Variants in DPP10 observed in about 807,000 individuals in gnomAD.
DPP10 encodes the protein inactive dipeptidyl peptidase 10.
A neutral mutation model predicts 120.9 loss-of-function variants in DPP10; 33 were observed. The ratio of observed to expected loss-of-function variants is 0.27; its 90% confidence interval spans 0.21 to 0.37. The LOEUF (loss-of-function observed/expected upper bound fraction) is 0.37. Among genes scored for constraint, DPP10 ranks in the 10% least tolerant of loss-of-function variants. The pLI is 1.00. For synonymous variants in DPP10, 337 were observed against 326.1 expected (o/e 1.03, Z -0.36); for missense variants, 816 against 942.8 (o/e 0.87, Z 1.76).
intron 1 of DPP10, among the ~76,000 whole-genome samples, chr2:115,255,322 C>T (rs555786844): frequency 9.9e-5 from 15 of 152,242 alleles, no homozygotes; most frequent in African/African-American, 2.9e-4. Context: ...GGAGACAGAG[C>T]GCCGAGACCC....
At chr2:114,697,176 C>T (rs935130638) in intron 1 of DPP10, among the ~76,000 whole-genome samples, 9 of 152,026 alleles carry the variant, frequency 5.9e-5, no homozygotes, top group Admixed American at 5.2e-4. Flanking sequence ...ATCTGGGTTA[C>T]AACCACTTTG....
At chr2:115,471,331 C>A (rs889195588) in intron 3 of DPP10, among the ~76,000 whole-genome samples, 1 of 152,138 alleles carries the variant, frequency 6.6e-6, no homozygotes, top group African/African-American at 2.4e-5. Flanking sequence ...ACATACATGA[C>A]TACTTATTGC....
intron 1 of DPP10, among the ~76,000 whole-genome samples, chr2:115,181,866 G>A (rs756933706): frequency 6.6e-5 from 10 of 152,122 alleles, no homozygotes; most frequent in Non-Finnish European, 1.2e-4. Context: ...ATTTAAGAAC[G>A]TTTGAATGTT....
chr2:115,711,222 A>G (rs1399977502), intron 7 of DPP10, among the ~76,000 whole-genome samples: 3 of 152,100 alleles, frequency 2.0e-5, no homozygotes, highest in Non-Finnish European at 4.4e-5. Context: ...TTCAGGTTTG[A>G]AAGTTATATA....
chr2:115,243,611 T>G (rs1360424616), intron 1 of DPP10, among the ~76,000 whole-genome samples: 1 of 152,138 alleles, frequency 6.6e-6, no homozygotes, highest in Non-Finnish European at 1.5e-5. Flanking sequence ...ATCTTTGACT[T>G]ACTTAATGGT....
intron 1 of DPP10, among the ~76,000 whole-genome samples, chr2:115,188,546 A>G (rs1410992732): frequency 1.3e-5 from 2 of 152,234 alleles, no homozygotes; most frequent in East Asian, 3.8e-4. Flanking sequence ...AGACCAGGTC[A>G]TAAAATACAA....
chr2:114,981,723 A>G (rs1700101971), intron 1 of DPP10, among the ~76,000 whole-genome samples: 1 of 151,544 alleles, frequency 6.6e-6, no homozygotes, highest in Admixed American at 6.6e-5. Flanking sequence ...TGGGACTACA[A>G]GCTCATGCCA....
At chr2:115,270,226 T>C (rs1307915556) in intron 1 of DPP10, among the ~76,000 whole-genome samples, 1 of 151,272 alleles carries the variant, frequency 6.6e-6, no homozygotes, top group Admixed American at 6.6e-5. Flanking sequence ...AGAAGAAAAA[T>C]TGGGTATGGA....
At chr2:114,600,022 T>G (rs746324808) in intron 1 of DPP10, among the ~76,000 whole-genome samples, 8 of 151,724 alleles carry the variant, frequency 5.3e-5, no homozygotes, top group Non-Finnish European at 1.0e-4. Flanking sequence ...TTAATGTGTA[T>G]TCTGTTTGGG....
chr2:115,467,395 G>A (rs2074395963), intron 3 of DPP10, among the ~76,000 whole-genome samples: 1 of 151,870 alleles, frequency 6.6e-6, no homozygotes, highest in Admixed American at 6.6e-5. Flanking sequence ...TGGCCAATAT[G>A]GTGAAACCCC....
At chr2:114,886,144 G>C (rs1326909323) in intron 1 of DPP10, among the ~76,000 whole-genome samples, 3 of 152,084 alleles carry the variant, frequency 2.0e-5, no homozygotes, top group Non-Finnish European at 4.4e-5. Context: ...TAACATTGCT[G>C]GAAGAATGTA....
At chr2:114,838,486 T>C (rs1487560548) in intron 1 of DPP10, among the ~76,000 whole-genome samples, 16 of 152,026 alleles carry the variant, frequency 1.1e-4, no homozygotes, top group Non-Finnish European at 1.5e-5. Context: ...CTAATTTTTT[T>C]GGATTTTTAG....
Position 114,784,565 on chromosome 2 carries a change from G to A in DPP10, c.60+341727G>A, listed in dbSNP as rs140721772. ...CAGAGAGCACATGGTTGATCCAAAC[G>A]GGCTAATCTCTAATGCTGGAATTCT... On this transcript the variant is annotated intron_variant, in intron 1 of 25. Coordinates refer to ENST00000410059, the MANE Select transcript of DPP10 (RefSeq NM_020868.6). Among the ~76,000 whole-genome samples, 553 of 152,080 alleles carry A rather than the reference G, an allele frequency of 3.6e-3. 5 individuals are homozygous for A. Among genetic ancestry groups the A allele is most frequent in the African/African-American group, 0.013 (520 of 41,502 alleles).
intron 5 of DPP10, among the ~76,000 whole-genome samples, chr2:115,624,953 C>T (rs572904989): frequency 3.9e-5 from 6 of 152,074 alleles, no homozygotes; most frequent in African/African-American, 9.6e-5. Context: ...CATACTTGAA[C>T]GAGATGTCTA....
chr2:114,645,458 A>G (rs533636648), intron 1 of DPP10, among the ~76,000 whole-genome samples: 1 of 152,300 alleles, frequency 6.6e-6, no homozygotes, highest in African/African-American at 2.4e-5. Context: ...TGTTTACAGC[A>G]CGAGAACTGA....
intron 1 of DPP10, among the ~76,000 whole-genome samples, chr2:114,662,568 T>C (rs1255799670): frequency 6.6e-6 from 1 of 151,704 alleles, no homozygotes; most frequent in Non-Finnish European, 1.5e-5. Context: ...GAAAGACACT[T>C]CCGGTTCTCA....
intron 1 of DPP10, among the ~76,000 whole-genome samples, chr2:114,832,717 T>C (rs992573563): frequency 6.6e-6 from 1 of 152,190 alleles, no homozygotes; most frequent in Non-Finnish European, 1.5e-5. Flanking sequence ...ATATTTGAAA[T>C]CAAAGTTATA....
At chr2:114,857,383 C>A (rs192889013) in intron 1 of DPP10, among the ~76,000 whole-genome samples, 4 of 152,322 alleles carry the variant, frequency 2.6e-5, no homozygotes, top group Admixed American at 6.5e-5. Flanking sequence ...AGATGGCTGA[C>A]CCCACCTGAC....
intron 2 of DPP10, among the ~76,000 whole-genome samples, chr2:115,327,658 T>A (rs550220048): frequency 2.0e-5 from 3 of 152,168 alleles, no homozygotes; most frequent in Non-Finnish European, 4.4e-5. Flanking sequence ...TGAGTTTAGC[T>A]CATAACTCAA....
Sources: allele counts gnomAD v4.1 joint callset (sites outside exome capture counted in the v4.1 genomes callset), GRCh38; gene constraint gnomAD v4.1.1; transcripts MANE v1.5; gene names NCBI Gene and HGNC (gene_info 2026-07-23, HGNC 2026-07-21).